Variants in SMIM35 observed in about 807,000 individuals in gnomAD.
SMIM35 encodes the protein small integral membrane protein 35, also known as TMPRSS4 antisense RNA 1 (non-protein coding).
At chr11:118,082,529 C>G (rs1253754554) in intron 1 of SMIM35, among the ~76,000 whole-genome samples, 2 of 151,372 alleles carry the variant, frequency 1.3e-5, no homozygotes, top group African/African-American at 2.4e-5. Context: ...CCACTGCACT[C>G]CAGCCTGGGC....
chr11:118,039,776 C>T (rs948003367), intron 1 of SMIM35, among the ~76,000 whole-genome samples: 4 of 151,662 alleles, frequency 2.6e-5, no homozygotes, highest in Non-Finnish European at 4.4e-5. Context: ...CCTGGCCAGG[C>T]GCAGTGGCTC....
intron 1 of SMIM35, among the ~76,000 whole-genome samples, chr11:118,035,881 G>GTGTT (rs1555072795): frequency 1.8e-4 from 28 of 152,184 alleles, no homozygotes; most frequent in Admixed American, 5.2e-4. Context: ...CTAATATGTG[G>GTGTT]TGTTTGTTTG....
At chr11:118,051,390 G>A (rs748452875) in intron 1 of SMIM35, among the ~76,000 whole-genome samples, 2 of 152,142 alleles carry the variant, frequency 1.3e-5, no homozygotes, top group Non-Finnish European at 2.9e-5. Flanking sequence ...TGCCTGATTC[G>A]GCACTATCCT....
chr11:118,068,630 G>T (rs1036436526), intron 1 of SMIM35, among the ~76,000 whole-genome samples: 1 of 152,196 alleles, frequency 6.6e-6, no homozygotes, highest in Admixed American at 6.5e-5. Context: ...ATGAGCTGGG[G>T]CAAGGATGAA....
chr11:118,050,538 A>G (rs1944194692), intron 1 of SMIM35, among the ~76,000 whole-genome samples: 1 of 152,230 alleles, frequency 6.6e-6, no homozygotes. Flanking sequence ...GACCTTGGGC[A>G]AGAAGGTGGG....
At chr11:118,015,871 G>T (rs953822173) in intron 1 of SMIM35, 62 bp from the exon 2 acceptor site, 1 of 399,282 alleles carries the variant, frequency 2.5e-6, no homozygotes. Flanking sequence ...CCTGCACCAC[G>T]TTCCAAAGTT....
chr11:118,036,251 G>T (rs1465642835), intron 1 of SMIM35, among the ~76,000 whole-genome samples: 1 of 152,170 alleles, frequency 6.6e-6, no homozygotes, highest in Admixed American at 6.5e-5. Context: ...TACAGATCTA[G>T]ATATACCCTT....
At chr11:118,034,379 ACTGTCTC>A (rs2058342296) in intron 1 of SMIM35, among the ~76,000 whole-genome samples, 1 of 152,196 alleles carries the variant, frequency 6.6e-6, no homozygotes, top group Non-Finnish European at 1.5e-5. Flanking sequence ...AAAAATTGTC[ACTGTCTC>A]AATTTATATT....
At chr11:118,011,814 A>G (rs1414227523) in intron 4 of SMIM35, among the ~76,000 whole-genome samples, 1 of 152,170 alleles carries the variant, frequency 6.6e-6, no homozygotes, top group African/African-American at 2.4e-5. Flanking sequence ...CCTCCCTGCT[A>G]TTCCAAGAGG....
intron 1 of SMIM35, among the ~76,000 whole-genome samples, chr11:118,083,066 G>A (rs764723674): frequency 6.6e-6 from 1 of 151,836 alleles, no homozygotes; most frequent in East Asian, 1.9e-4. Flanking sequence ...CTGCTGCGCC[G>A]CTGCGGGGCT....
chr11:118,036,867 C>T (rs1279071566), intron 1 of SMIM35, among the ~76,000 whole-genome samples: 3 of 152,184 alleles, frequency 2.0e-5, no homozygotes, highest in Non-Finnish European at 4.4e-5. Context: ...ATTGCTGGCT[C>T]GAATGCTTGG....
intron 1 of SMIM35, among the ~76,000 whole-genome samples, chr11:118,078,491 G>A (rs752747936): frequency 2.8e-4 from 43 of 152,220 alleles, no homozygotes; most frequent in Non-Finnish European, 4.4e-5. Context: ...GGTTGTAGCT[G>A]ATGATCAGAA....
chr11:118,048,944 T>C (rs938003307), intron 1 of SMIM35, among the ~76,000 whole-genome samples: 4 of 14,858 alleles, frequency 2.7e-4, no homozygotes, highest in Admixed American at 1.3e-3. Flanking sequence ...GCTGAAGAGC[T>C]GCAAAAAAAA....
chr11:118,007,207 C>T (rs1264447898), intron 4 of SMIM35, among the ~76,000 whole-genome samples: 1 of 151,664 alleles, frequency 6.6e-6, no homozygotes, highest in Non-Finnish European at 1.5e-5. Flanking sequence ...CCAGTTTGGA[C>T]TGAGGCTAGA....
At chr11:118,071,886 C>T (rs1415509691) in intron 1 of SMIM35, among the ~76,000 whole-genome samples, 3 of 152,152 alleles carry the variant, frequency 2.0e-5, no homozygotes, top group Non-Finnish European at 2.9e-5. Context: ...TGCTGAGATT[C>T]TGCACTTCTA....
At chr11:118,040,763 T>C (rs1943986807) in intron 1 of SMIM35, among the ~76,000 whole-genome samples, 2 of 152,112 alleles carry the variant, frequency 1.3e-5, no homozygotes, top group African/African-American at 4.8e-5. Context: ...AAATACATAA[T>C]GTAAGGTTAG....
chr11:118,014,554 T>A (rs2058168722), intron 3 of SMIM35, among the ~76,000 whole-genome samples, 154 bp downstream of exon 3: 1 of 152,194 alleles, frequency 6.6e-6, no homozygotes, highest in South Asian at 2.1e-4. Context: ...GGGACTTTTC[T>A]AAATGGATTC....
At chr11:118,013,028 C>A (rs977779346) in intron 4 of SMIM35, among the ~76,000 whole-genome samples, 2 of 152,152 alleles carry the variant, frequency 1.3e-5, no homozygotes, top group African/African-American at 4.8e-5. Context: ...CTAGATTCCT[C>A]CTGAGGAATG....
intron 1 of SMIM35, among the ~76,000 whole-genome samples, chr11:118,024,412 T>G (rs2058257362): frequency 6.6e-6 from 1 of 152,170 alleles, no homozygotes; most frequent in Non-Finnish European, 1.5e-5. Context: ...TCTAGTAAGG[T>G]CCTGAGCTAC....
Sources: allele counts gnomAD v4.1 joint callset (sites outside exome capture counted in the v4.1 genomes callset), GRCh38; gene constraint gnomAD v4.1.1; transcripts MANE v1.5; gene names NCBI Gene and HGNC (gene_info 2026-07-23, HGNC 2026-07-21).